The following ILDR1 variants were observed in gnomAD, a reference collection of about 807,000 sequenced individuals.
ILDR1 encodes immunoglobulin-like domain-containing receptor 1.
A neutral mutation model predicts 62.4 loss-of-function variants in ILDR1; 56 were observed. The ratio of observed to expected loss-of-function variants is 0.90; its 90% CI spans 0.72 to 1.12. ILDR1 has a LOEUF of 1.12. Among genes scored for constraint, ILDR1 ranks in the 50% most tolerant of loss-of-function variants. The pLI, the probability that ILDR1 is intolerant of heterozygous loss-of-function variation, is 0.00. For missense variants in ILDR1, 736 were observed against 710.6 expected (o/e 1.04, Z -0.41); for synonymous variants, 284 against 277.8 (o/e 1.02, Z -0.22).
the ILDR1 span, among the ~76,000 whole-genome samples, chr3:122,038,502 C>A: frequency 6.6e-6 from 1 of 152,164 alleles, no homozygotes; most frequent in Non-Finnish European, 1.5e-5. Context: ...AAAGGCCTTG[C>A]AGAAGAAAAG....
Position 122,001,874 on chromosome 3 carries a change from A to G in ILDR1, c.380-10T>C, listed in dbSNP as rs748442864. The G allele has an allele frequency of 1.2e-5, 20 of 1,612,878 alleles. No homozygotes were observed. The South Asian group carries it at 2.0e-4, about 16-fold the overall frequency. On this transcript the variant is annotated splice_polypyrimidine_tract_variant and intron_variant, in intron 3 of 7. Coordinates refer to ENST00000344209, the MANE Select transcript of ILDR1 (RefSeq NM_001199799.2). ...ATCACGAGATCTGCTCCTACACAGT[A>G]AGGAGGGAGAAAGTGCCAGTGTCAG...
chr3:122,060,144 GA>G, the ILDR1 span, among the ~76,000 whole-genome samples: 1 of 152,174 alleles, frequency 6.6e-6, no homozygotes, highest in South Asian at 2.1e-4. Context: ...AGGGAGGAGG[GA>G]AAGAAACCAA....
upstream of ILDR1, among the ~76,000 whole-genome samples, chr3:122,023,014 TA>T (rs2071887586): frequency 1.3e-5 from 2 of 150,958 alleles, no homozygotes; most frequent in Non-Finnish European, 3.0e-5. Context: ...TTTCTACAAC[TA>T]TAAAAGTAAA....
At chr3:122,028,120 G>A in the ILDR1 span, among the ~76,000 whole-genome samples, 1 of 151,860 alleles carries the variant, frequency 6.6e-6, no homozygotes, top group African/African-American at 2.4e-5. Flanking sequence ...TAGGTCAGGA[G>A]ATCGAGAGCA....
At chr3:121,996,424 A>C (rs2071436528) in intron 5 of ILDR1, among the ~76,000 whole-genome samples, 1 of 152,154 alleles carries the variant, frequency 6.6e-6, no homozygotes, top group South Asian at 2.1e-4. Context: ...TCTTGCACTA[A>C]AACTAATGAA....
chr3:122,035,005 G>A, the ILDR1 span, among the ~76,000 whole-genome samples: 848 of 152,224 alleles, frequency 5.6e-3, 8 homozygotes, highest in African/African-American at 0.019. Flanking sequence ...TTTTGGTAGG[G>A]ACACAGCCAA....
intron 5 of ILDR1, 143 bp from the exon 6 acceptor site, chr3:121,994,456 A>AG: frequency 1.1e-6 from 1 of 937,044 alleles, no homozygotes; most frequent in Non-Finnish European, 1.5e-6. Context: ...GTAAGGGTTA[A>AG]GGGGGTAGTA....
At chr3:122,047,219 G>T in the ILDR1 span, among the ~76,000 whole-genome samples, 3 of 151,718 alleles carry the variant, frequency 2.0e-5, no homozygotes, top group African/African-American at 7.3e-5. Context: ...GTGCCTCCCA[G>T]TTAGGCTGCT....
the ILDR1 span, among the ~76,000 whole-genome samples, chr3:122,042,781 A>G: frequency 6.6e-6 from 1 of 151,820 alleles, no homozygotes; most frequent in African/African-American, 2.4e-5. Context: ...TTTCTTGTAA[A>G]TTTGTCTGAG....
the ILDR1 span, among the ~76,000 whole-genome samples, chr3:122,039,354 A>G: frequency 1.3e-5 from 2 of 152,096 alleles, no homozygotes; most frequent in Non-Finnish European, 2.9e-5. Context: ...AGAAAATTTT[A>G]AAAGTAGCCA....
intron 5 of ILDR1, among the ~76,000 whole-genome samples, chr3:121,995,323 C>G (rs2071420175): frequency 6.6e-6 from 1 of 152,192 alleles, no homozygotes; most frequent in Non-Finnish European, 1.5e-5. Context: ...CTGGCATTCT[C>G]AGTTCCTCCT....
the ILDR1 span, among the ~76,000 whole-genome samples, chr3:122,041,910 CTTT>C: frequency 7.1e-6 from 1 of 141,120 alleles, no homozygotes; most frequent in Admixed American, 7.1e-5. Flanking sequence ...ATTTCTTTTT[CTTT>C]TTTTTTTTTA....
chr3:122,021,054 T>C (rs998451259), intron 1 of ILDR1, among the ~76,000 whole-genome samples: 2 of 152,172 alleles, frequency 1.3e-5, no homozygotes, highest in Admixed American at 6.5e-5. Context: ...CACCTTCATA[T>C]TGCATCTGTT....
chr3:121,991,270 T>C (rs951066468), intron 7 of ILDR1, among the ~76,000 whole-genome samples: 2 of 152,206 alleles, frequency 1.3e-5, no homozygotes, highest in Non-Finnish European at 2.9e-5. Flanking sequence ...TAACTGGTGT[T>C]CCTCACCCTT....
In ILDR1 at chr3:122,005,472, G is replaced by A. The variant is rs182931472; in HGVS notation, c.230-79C>T. On this transcript the variant is annotated intron_variant, in intron 2 of 7. Coordinates refer to ENST00000344209, the MANE Select transcript of ILDR1 (RefSeq NM_001199799.2). ...AAAAGGTTCCCTTCCTGCTCCGGGCGTGAGACACAGTGAAGTGTCTCAATT... is the reference window on the plus strand; with the variant it reads ...AAAAGGTTCCCTTCCTGCTCCGGGCATGAGACACAGTGAAGTGTCTCAATT... 4,490 of 1,486,470 alleles carry A rather than the reference G, an allele frequency of 3.0e-3. 22 individuals are homozygous for A. Among genetic ancestry groups the A allele is most frequent in the South Asian group, 0.01 (913 of 87,328 alleles). 92.1% of individuals were successfully genotyped at this position (1,486,470 alleles called of 1,614,324 possible). A position where few individuals can be genotyped will look rare whatever the true frequency, so the allele number is the denominator to read the frequency against.
At chr3:122,001,600 T>C in intron 4 of ILDR1, 145 bp downstream of exon 4, 1 of 1,485,342 alleles carries the variant, frequency 6.7e-7, no homozygotes, top group Non-Finnish European at 9.4e-7. Context: ...GGTAAAAGTT[T>C]AGCTTTGATA....
At chr3:121,991,825 T>C (rs1203180273) in intron 7 of ILDR1, among the ~76,000 whole-genome samples, 1 of 152,236 alleles carries the variant, frequency 6.6e-6, no homozygotes, top group Non-Finnish European at 1.5e-5. Flanking sequence ...TGTATGTGAT[T>C]GAGTTTTTAA....
chr3:122,020,518 T>G (rs895104739), intron 1 of ILDR1, among the ~76,000 whole-genome samples: 4 of 152,238 alleles, frequency 2.6e-5, no homozygotes, highest in South Asian at 2.1e-4. Flanking sequence ...AACGTGAGTT[T>G]AGAGGTTTGC....
the ILDR1 span, among the ~76,000 whole-genome samples, chr3:122,047,104 A>T: frequency 6.8e-6 from 1 of 146,806 alleles, no homozygotes; most frequent in Admixed American, 6.8e-5. Flanking sequence ...TTCGGTGTGG[A>T]TGTCCTTTCT....
Sources: allele counts gnomAD v4.1 joint callset (sites outside exome capture counted in the v4.1 genomes callset), GRCh38; gene constraint gnomAD v4.1.1; transcripts MANE v1.5; gene names NCBI Gene and HGNC (gene_info 2026-07-23, HGNC 2026-07-21).